ECE1: variants seen among roughly 807,000 people sequenced by gnomAD.
ECE1 encodes endothelin-converting enzyme 1.
A neutral mutation model predicts 98.6 loss-of-function variants in ECE1; 35 were observed. That is an observed-to-expected ratio of 0.35 (90% CI 0.27 to 0.47). The LOEUF (loss-of-function observed/expected upper bound fraction) is 0.47. ECE1 is among the 20% of genes least tolerant of loss of function. The pLI is 1.00. For missense variants in ECE1, 814 were observed against 1,025.3 expected (o/e 0.79, Z 2.81); for synonymous variants, 394 against 407.1 (o/e 0.97, Z 0.39).
chr1:21,247,517 C>T (rs1209683081), intron 8 of ECE1, among the ~76,000 whole-genome samples, 154 bp from the exon 9 acceptor site: 1 of 152,146 alleles, frequency 6.6e-6, no homozygotes, highest in East Asian at 1.9e-4. Flanking sequence ...GCCTGGCGGG[C>T]TTTTGTCAGA....
rs2098265324 is a variant in ECE1, at chr1:21,290,306, C to G, written c.51+58G>C. On this transcript the variant is annotated intron_variant, in intron 1 of 18. Coordinates refer to ENST00000374893, the MANE Select transcript of ECE1 (RefSeq NM_001397.3). The surrounding 1 kb of genome is among the most constrained non-coding windows in gnomAD (Gnocchi z 7.3). ...CGAGACCGGCCCACGGAGCGGCCCGCGCGGGGAGGGGTCCCGCCCGCCTCC... is the reference window on the plus strand; with the variant it reads ...CGAGACCGGCCCACGGAGCGGCCCGGGCGGGGAGGGGTCCCGCCCGCCTCC... The G allele has an allele frequency of 1.5e-5, 18 of 1,237,974 alleles. No individual in the cohort carries two copies. Among genetic ancestry groups the G allele is most frequent in the Non-Finnish European group, 1.8e-5 (18 of 993,662 alleles). The allele number at this position is 1,237,974 out of a possible 1,614,324, so 76.7% of individuals were successfully genotyped here. A position where few individuals can be genotyped will look rare whatever the true frequency, so the allele number is the denominator to read the frequency against.
intron 4 of ECE1, among the ~76,000 whole-genome samples, chr1:21,262,293 C>T (rs2098228054): frequency 6.6e-6 from 1 of 152,150 alleles, no homozygotes; most frequent in Admixed American, 6.5e-5. Flanking sequence ...ACCTGCATGT[C>T]CCCCAGGCAC....
intron 1 of ECE1, among the ~76,000 whole-genome samples, chr1:21,344,691 A>G (rs3026802): frequency 0.041 from 6,293 of 152,188 alleles, 163 homozygotes; most frequent in Non-Finnish European, 0.063. Context: ...TATCGCAGTC[A>G]GCACTCGGCC....
At chr1:21,323,428 G>T (rs576072302) in intron 1 of ECE1, among the ~76,000 whole-genome samples, 1 of 152,192 alleles carries the variant, frequency 6.6e-6, no homozygotes, top group African/African-American at 2.4e-5. Flanking sequence ...TGTTAGCACT[G>T]TTCTCGACAG....
rs1440888876 is a variant in ECE1 at position 21,307,768 on chromosome 1, G to A, written c.4-17612C>T. 3.9e-5 allele frequency among the ~76,000 whole-genome samples: 6 copies of A among 152,198 alleles called. No homozygotes were observed. The highest frequency in any genetic ancestry group is 7.3e-5 in the Non-Finnish European group (5 of 68,028). On this transcript the variant is annotated intron_variant, in intron 1 of 18. Transcript: ENST00000415912. The surrounding 1 kb of genome is among the most constrained non-coding windows in gnomAD (Gnocchi z 4.2). ...CTCCTAGGGCACTGGGCTCCAGACA[G>A]AAAATGGGAAGGGACAGATAAGCCT... is the stretch of plus-strand genomic sequence containing the variant.
rs2098265278 is a variant in ECE1, at chr1:21,290,263, G to T, written c.51+101C>A. 1 of 1,356,404 alleles carries T rather than the reference G, an allele frequency of 7.4e-7. No individual in the cohort carries two copies. 84.0% of individuals were successfully genotyped at this position (1,356,404 alleles called of 1,614,324 possible). A position where few individuals can be genotyped will look rare whatever the true frequency, so the allele number is the denominator to read the frequency against. On this transcript the variant is annotated intron_variant, in intron 1 of 18. Transcript: ENST00000374893. The surrounding 1 kb of genome is among the most constrained non-coding windows in gnomAD (Gnocchi z 7.3). ...CGCCGCCGCCGCCGCGCCCCGCCCCGGCCTGGACACCCGAGACCGAGACCG... is the reference window on the plus strand; with the variant it reads ...CGCCGCCGCCGCCGCGCCCCGCCCCTGCCTGGACACCCGAGACCGAGACCG...
chr1:21,250,264 C>A (rs1558386613), intron 8 of ECE1, among the ~76,000 whole-genome samples: 1 of 152,188 alleles, frequency 6.6e-6, no homozygotes, highest in Admixed American at 6.5e-5. Flanking sequence ...TTTCGCTTAG[C>A]ACAGTATCCT....
intron 2 of ECE1, among the ~76,000 whole-genome samples, chr1:21,285,799 C>T (rs951355670): frequency 3.3e-5 from 5 of 151,754 alleles, no homozygotes; most frequent in Non-Finnish European, 7.4e-5. Context: ...TGAGGCCAGG[C>T]TGGCCAACAT....
At position 21,279,320 on chromosome 1, in the gene ECE1, T is replaced by C; in HGVS notation, c.151A>G (p.Ser51Gly). 6.2e-7 allele frequency: 1 copy of C among 1,614,116 alleles called. No individual in the cohort carries two copies. The highest frequency in any genetic ancestry group is 8.5e-7 in the Non-Finnish European group (1 of 1,180,008). ...CAGCACCTCTGGCCACTCCGGGGGC[T>C]GTGGAAGTTCACCTGCAGGGAAGGA... is the stretch of plus-strand genomic sequence containing the variant. ...YPNGLQVNFH[S>G]PRSGQRCWAA... is the part of the protein sequence containing the mutation. Residue 51 changes from serine (S) to glycine (G), a missense_variant, in exon 3 of 19, where the codon AGC becomes GGC. Around this residue, in one of 3 missense-constraint regions of ECE1, gnomAD observed 257 missense variants for 278.9 expected, o/e 0.92. Transcript: ENST00000374893.
chr1:21,222,122 A>G (rs2098168192), intron 17 of ECE1: 2 of 487,768 alleles, frequency 4.1e-6, no homozygotes, highest in Non-Finnish European at 7.5e-6. Flanking sequence ...GACAGCCAAG[A>G]TGCATCTCAA....
chr1:21,257,490 T>TGGGAGGCAGGCTGGGAGGG, intron 7 of ECE1, 35 bp downstream of exon 7: 1 of 1,612,410 alleles, frequency 6.2e-7, no homozygotes, highest in Non-Finnish European at 8.5e-7. Flanking sequence ...AGGACCGTGC[T>TGGGAGGCAGGCTGGGAGGG]GGGAGGCAGG....
At position 21,256,075 on chromosome 1, in the gene ECE1, C is replaced by T. The variant is rs1421166399; in HGVS notation, c.892G>A (p.Glu298Lys). Residue 298 changes from glutamate to lysine, a missense_variant, in exon 8 of 19, where the codon GAG (glutamate) becomes AAG (lysine). Glu to Lys is a moderately conservative substitution (Grantham distance 56). Coordinates refer to ENST00000374893, the MANE Select transcript of ECE1 (RefSeq NM_001397.3). ...TGCTGCATCTGGGGCCGGATGGCCT[C>T]CTCGTCCCCGCCGCCCAGCAGCTTC... ...LGKLLGGGDE[E>K]AIRPQMQQIL... 6.2e-7 allele frequency: 1 copy of T among 1,610,736 alleles called. No homozygotes were observed. The highest frequency in any genetic ancestry group is 8.5e-7 in the Non-Finnish European group (1 of 1,177,116).
chr1:21,279,637 T>C (rs1294465308), intron 2 of ECE1: 1 of 1,422,860 alleles, frequency 7.0e-7, no homozygotes, highest in African/African-American at 1.4e-5. Context: ...GTTTCTCCAG[T>C]GAGGAGTTCA....
At chr1:21,338,196 ACC>A (rs1214149570) in intron 1 of ECE1, among the ~76,000 whole-genome samples, 3 of 152,030 alleles carry the variant, frequency 2.0e-5, no homozygotes, top group Non-Finnish European at 4.4e-5. Context: ...AGCTTTCTCA[ACC>A]CCTGGACACC....
rs982331934 is a variant in ECE1, at chr1:21,258,711, G to C, written c.744C>G (p.Ser248=). 4 of 1,613,866 alleles carry C rather than the reference G, an allele frequency of 2.5e-6. No individual in the cohort carries two copies. In the East Asian group the frequency reaches 6.7e-5, roughly 27 times the overall value. The change falls in exon 6 of 19, where the codon TCC becomes TCG. Residue 248 remains serine, a synonymous_variant. Coordinates refer to ENST00000374893, the MANE Select transcript of ECE1 (RefSeq NM_001397.3). The surrounding 1 kb of genome is among the most constrained non-coding windows in gnomAD (Gnocchi z 4.2). ...SVYVSADSKN[S]NSNVIQVDQS... The stretch of plus-strand genomic sequence containing the variant: ...AGCTCACCTGGATCACGTTGCTGTT[G>C]GAGTTCTTGGAATCGGCACTGACAT...
At chr1:21,283,498 C>T (rs1407643633) in intron 2 of ECE1, among the ~76,000 whole-genome samples, 2 of 152,066 alleles carry the variant, frequency 1.3e-5, no homozygotes, top group Non-Finnish European at 2.9e-5. Flanking sequence ...CTCAAACTCC[C>T]GACCTCAGGT....
intron 2 of ECE1, chr1:21,280,050 G>C (rs2098252601): frequency 6.6e-6 from 1 of 152,378 alleles, no homozygotes; most frequent in East Asian, 1.9e-4. Context: ...AATCCCTCCA[G>C]CCTAACAGTC....
In ECE1 at chr1:21,260,276, C is replaced by CA. The variant is rs1321114470; in HGVS notation, c.609dup (p.Glu204Ter). 6.2e-7 allele frequency: 1 copy of CA among 1,614,278 alleles called. No individual in the cohort carries two copies. ...GGAGAGCCCGAGGCACTCACCCTCT[C>CA]AATCAACTCCATTAGAGGTTTGGCC... On this transcript the variant is annotated frameshift_variant, in exon 5 of 19. Coordinates refer to ENST00000374893, the MANE Select transcript of ECE1 (RefSeq NM_001397.3). LOFTEE classifies it high-confidence loss of function. The surrounding 1 kb of genome is among the most constrained non-coding windows in gnomAD (Gnocchi z 4.3).
intron 3 of ECE1, among the ~76,000 whole-genome samples, chr1:21,276,649 C>G (rs1442706901): frequency 6.6e-6 from 1 of 151,810 alleles, no homozygotes; most frequent in Admixed American, 6.6e-5. Context: ...CAGACATTCC[C>G]AGAGGCTGGC....
Sources: allele counts gnomAD v4.1 joint callset (sites outside exome capture counted in the v4.1 genomes callset), GRCh38; gene constraint gnomAD v4.1.1; regional missense constraint gnomAD v4.1.1; non-coding constraint Gnocchi (gnomAD v3.1); transcripts MANE v1.5; gene names NCBI Gene and HGNC (gene_info 2026-07-23, HGNC 2026-07-21).